The following NAV2 variants were observed in gnomAD, a reference collection of about 807,000 sequenced individuals.
NAV2 encodes the protein helicase, APC down-regulated 1.
Under a neutral mutation model 223.2 loss-of-function variants are expected in NAV2, and 54 were observed. The observed-to-expected ratio is 0.24, with a 90% confidence interval of 0.19 to 0.30. NAV2 has a LOEUF of 0.30. Ranked by LOEUF, NAV2 falls within the 10% of genes least tolerant of loss-of-function variation. The pLI is 1.00. For synonymous variants in NAV2, 1,279 were observed against 1,239.3 expected (o/e 1.03, Z -0.67); for missense variants, 2,806 against 3,147.5 (o/e 0.89, Z 2.60).
chr11:20,014,014 A>G (rs2625297), intron 11 of NAV2, among the ~76,000 whole-genome samples: 151,985 of 152,334 alleles, frequency 1, 75,821 homozygotes, highest in Middle Eastern at 1. Context: ...CCTGCAGCGC[A>G]TCCTACAACA....
chr11:19,537,116 G>T (rs1347884778), intron 1 of NAV2, among the ~76,000 whole-genome samples: 1 of 152,160 alleles, frequency 6.6e-6, no homozygotes, highest in Non-Finnish European at 1.5e-5. Flanking sequence ...GGTCCCTGGG[G>T]ATCTAACAAT....
At chr11:19,619,774 A>G (rs951810392) in intron 1 of NAV2, among the ~76,000 whole-genome samples, 1 of 152,058 alleles carries the variant, frequency 6.6e-6, no homozygotes, top group South Asian at 2.1e-4. Flanking sequence ...ATTAGACCCC[A>G]TTTGTCAATT....
At chr11:20,011,238 A>G (rs2053540921) in intron 11 of NAV2, among the ~76,000 whole-genome samples, 1 of 152,224 alleles carries the variant, frequency 6.6e-6, no homozygotes, top group African/African-American at 2.4e-5. Flanking sequence ...GGGATTTAAA[A>G]ATATTAAATG....
At chr11:20,040,835 C>G (rs1053321031) in intron 12 of NAV2, among the ~76,000 whole-genome samples, 1 of 152,154 alleles carries the variant, frequency 6.6e-6, no homozygotes, top group Non-Finnish European at 1.5e-5. Context: ...GTTGCGAGCT[C>G]CAGGAACAGA....
intron 1 of NAV2, among the ~76,000 whole-genome samples, chr11:19,404,552 AGCTTT>A (rs56156013): frequency 0.82 from 124,487 of 152,034 alleles, 51,723 homozygotes; most frequent in Non-Finnish European, 0.9. Flanking sequence ...TAGTTTCTGC[AGCTTT>A]AACCCTAGGT....
intron 1 of NAV2, among the ~76,000 whole-genome samples, chr11:19,695,295 G>A (rs2049297698): frequency 6.6e-6 from 1 of 152,202 alleles, no homozygotes; most frequent in South Asian, 2.1e-4. Context: ...ACCCAGTTCA[G>A]CCACTTAATA....
chr11:19,752,496 CCT>C (rs2053912876), intron 1 of NAV2, among the ~76,000 whole-genome samples: 1 of 152,086 alleles, frequency 6.6e-6, no homozygotes, highest in South Asian at 2.1e-4. Flanking sequence ...CAATCCCACC[CCT>C]GAGATAAAAA....
intron 1 of NAV2, among the ~76,000 whole-genome samples, chr11:19,497,237 T>G (rs1026513186): frequency 3.3e-5 from 5 of 152,212 alleles, no homozygotes; most frequent in Non-Finnish European, 7.3e-5. Context: ...CACAGGTTGT[T>G]ATGAGGATTG....
At chr11:19,880,441 C>G (rs1293088662) in intron 5 of NAV2, among the ~76,000 whole-genome samples, 1 of 152,176 alleles carries the variant, frequency 6.6e-6, no homozygotes. Context: ...CTTCAAACAC[C>G]TTTTGTGTGT....
intron 20 of NAV2, among the ~76,000 whole-genome samples, chr11:20,067,790 C>A (rs577376864): frequency 1.3e-5 from 2 of 151,986 alleles, no homozygotes; most frequent in South Asian, 4.2e-4. Flanking sequence ...ATGCCCAGTC[C>A]TAGACCTTTT....
intron 6 of NAV2, among the ~76,000 whole-genome samples, chr11:19,924,876 T>TAA (rs2044600734): frequency 6.6e-6 from 1 of 152,206 alleles, no homozygotes; most frequent in Non-Finnish European, 1.5e-5. Context: ...TCAGGAGACC[T>TAA]AATAAGACTT....
At chr11:20,025,469 T>G (rs917120905) in intron 11 of NAV2, among the ~76,000 whole-genome samples, 1 of 152,204 alleles carries the variant, frequency 6.6e-6, no homozygotes, top group Non-Finnish European at 1.5e-5. Flanking sequence ...GAGAGAGGGC[T>G]TTGTGTAGCT....
chr11:19,606,401 C>G (rs942610742), intron 1 of NAV2, among the ~76,000 whole-genome samples: 1 of 152,220 alleles, frequency 6.6e-6, no homozygotes, highest in Admixed American at 6.5e-5. Flanking sequence ...CAGCTTGCCC[C>G]AGGTGTTAAA....
At chr11:19,439,849 C>T (rs1428779368) in intron 1 of NAV2, among the ~76,000 whole-genome samples, 2 of 152,210 alleles carry the variant, frequency 1.3e-5, no homozygotes, top group Non-Finnish European at 2.9e-5. Flanking sequence ...GTGATTTAAT[C>T]TTCCATTCAT....
chr11:19,688,448 A>G (rs7119868), intron 1 of NAV2, among the ~76,000 whole-genome samples: 2,458 of 152,334 alleles, frequency 0.016, 55 homozygotes, highest in African/African-American at 0.056. Context: ...TACACAAACC[A>G]TAGGGAAAAC....
intron 5 of NAV2, among the ~76,000 whole-genome samples, chr11:19,888,856 C>T (rs1335824791): frequency 6.6e-6 from 1 of 152,182 alleles, no homozygotes; most frequent in Admixed American, 6.5e-5. Context: ...GTCTTTTACA[C>T]ACTACCTTTC....
intron 8 of NAV2, among the ~76,000 whole-genome samples, chr11:19,943,088 T>G (rs567839708): frequency 2.6e-4 from 40 of 152,376 alleles, no homozygotes; most frequent in Non-Finnish European, 5.0e-4. Flanking sequence ...TTTGTGCGTG[T>G]GGTTAAGGTA....
At chr11:19,787,396 G>A (rs961267844) in intron 1 of NAV2, among the ~76,000 whole-genome samples, 2 of 149,148 alleles carry the variant, frequency 1.3e-5, no homozygotes, top group African/African-American at 2.5e-5. Flanking sequence ...GATTACAGAC[G>A]TGAACCACTG....
chr11:19,810,234 C>CT (rs2058774317), intron 1 of NAV2, among the ~76,000 whole-genome samples: 1 of 152,200 alleles, frequency 6.6e-6, no homozygotes, highest in African/African-American at 2.4e-5. Flanking sequence ...ATTGGGAGCT[C>CT]TTTCAGTTGG....
Sources: gnomAD v4.1 joint callset for allele counts (sites outside exome capture counted in the v4.1 genomes callset) on GRCh38, gnomAD v4.1.1 for gene constraint, MANE v1.5 for transcripts, NCBI Gene and HGNC (gene_info 2026-07-23, HGNC 2026-07-21) for gene names.